KYNU: variants seen among roughly 807,000 people sequenced by gnomAD.
KYNU encodes kynureninase.
Under a neutral mutation model 59.2 loss-of-function variants are expected in KYNU, and 54 were observed. The ratio of observed to expected loss-of-function variants is 0.91; its 90% CI spans 0.73 to 1.14. The LOEUF (loss-of-function observed/expected upper bound fraction) is 1.14. Ranked by LOEUF, KYNU falls within the 50% of genes most tolerant of loss-of-function variation. The probability of loss-of-function intolerance (pLI) is 0.00; values close to 1 mark genes in which losing one functional copy is unlikely to be tolerated. For synonymous variants in KYNU, 177 were observed against 192.0 expected (o/e 0.92, Z 0.65); for missense variants, 567 against 554.4 (o/e 1.02, Z -0.23).
chr2:142,980,671 A>G (rs943445421), intron 8 of KYNU, among the ~76,000 whole-genome samples: 10 of 152,112 alleles, frequency 6.6e-5, no homozygotes, highest in Admixed American at 4.6e-4. Context: ...TGGATTGACT[A>G]TAAAGTAAGG....
chr2:142,972,815 G>C (rs28379752), intron 8 of KYNU, among the ~76,000 whole-genome samples: 5,347 of 116,300 alleles, frequency 0.046, 139 homozygotes, highest in South Asian at 0.081. Context: ...TATATATATA[G>C]AGAGAGAGAG....
chr2:143,010,934 C>T (rs906128794), intron 10 of KYNU, among the ~76,000 whole-genome samples: 2,336 of 145,576 alleles, frequency 0.016, 79 homozygotes, highest in African/African-American at 0.05. Context: ...AAGATTTAAA[C>T]GTTAGACCTA....
At chr2:142,929,190 A>G (rs1209035201) in intron 4 of KYNU, among the ~76,000 whole-genome samples, 1 of 151,716 alleles carries the variant, frequency 6.6e-6, no homozygotes. Context: ...AGGACTGAAC[A>G]CATGCATGTA....
At chr2:142,926,126 G>A (rs192040110) in intron 3 of KYNU, among the ~76,000 whole-genome samples, 80 of 152,196 alleles carry the variant, frequency 5.3e-4, no homozygotes, top group Admixed American at 1.1e-3. Flanking sequence ...ACTGGGGCCT[G>A]TGGGGGGTGA....
intron 8 of KYNU, among the ~76,000 whole-genome samples, chr2:142,974,739 C>T (rs62169912): frequency 1.3e-5 from 2 of 152,098 alleles, no homozygotes; most frequent in Non-Finnish European, 2.9e-5. Flanking sequence ...AAACATAGCT[C>T]AAGAAGGCCT....
At chr2:142,982,117 C>G (rs1685068133) in intron 8 of KYNU, among the ~76,000 whole-genome samples, 1 of 152,078 alleles carries the variant, frequency 6.6e-6, no homozygotes. Context: ...GTATTTACTT[C>G]AAAAACTTTA....
intron 8 of KYNU, among the ~76,000 whole-genome samples, chr2:142,962,465 A>G (rs1684385021): frequency 6.6e-6 from 1 of 152,220 alleles, no homozygotes; most frequent in Non-Finnish European, 1.5e-5. Flanking sequence ...AATTAATATG[A>G]TATTATAAAG....
intron 4 of KYNU, among the ~76,000 whole-genome samples, chr2:142,937,837 G>A (rs1652441807): frequency 6.6e-6 from 1 of 152,176 alleles, no homozygotes; most frequent in African/African-American, 2.4e-5. Context: ...GCTTTAGGCT[G>A]GACTTAAAAT....
At chr2:142,978,042 T>A (rs1684941104) in intron 8 of KYNU, among the ~76,000 whole-genome samples, 1 of 152,160 alleles carries the variant, frequency 6.6e-6, no homozygotes, top group South Asian at 2.1e-4. Flanking sequence ...GCTCCAAGAC[T>A]GTGGCAAAAA....
At chr2:142,972,312 A>G (rs1477565764) in intron 8 of KYNU, among the ~76,000 whole-genome samples, 1 of 152,016 alleles carries the variant, frequency 6.6e-6, no homozygotes, top group Non-Finnish European at 1.5e-5. Context: ...ACTCTTATCC[A>G]TCCAGCTGTC....
chr2:142,974,239 G>A (rs1049237144), intron 8 of KYNU, among the ~76,000 whole-genome samples: 1 of 152,210 alleles, frequency 6.6e-6, no homozygotes, highest in Non-Finnish European at 1.5e-5. Flanking sequence ...TCAGTAAAGG[G>A]AAAAGTGGGC....
Position 143,049,091 on chromosome 2 carries a change from A to G in KYNU, c.*6919A>G, listed in dbSNP as rs1687217541. ...AGTATTATTTATTTATTCAATTATTACCTCTTTCTATTATTTCCTTTTTAA... is the reference window on the plus strand; with the variant it reads ...AGTATTATTTATTTATTCAATTATTGCCTCTTTCTATTATTTCCTTTTTAA... On this transcript the variant is annotated 3_prime_UTR_variant, in exon 14 of 14. Coordinates refer to ENST00000264170, the MANE Select transcript of KYNU (RefSeq NM_003937.3). 6.6e-6 allele frequency: 1 copy of G among 151,970 alleles called. No homozygotes were observed. The highest frequency in any genetic ancestry group is 2.4e-5 in the African/African-American group (1 of 41,360). 9.4% of individuals were successfully genotyped at this position (151,970 alleles called of 1,614,324 possible).
intron 2 of KYNU, among the ~76,000 whole-genome samples, chr2:142,893,523 G>A (rs1681776051): frequency 6.6e-6 from 1 of 152,124 alleles, no homozygotes; most frequent in Non-Finnish European, 1.5e-5. Context: ...GTAAAGTATC[G>A]GAAATGAGAT....
At chr2:142,943,681 T>G (rs1228168437) in intron 4 of KYNU, among the ~76,000 whole-genome samples, 2 of 152,136 alleles carry the variant, frequency 1.3e-5, no homozygotes, top group Non-Finnish European at 2.9e-5. Context: ...ATAAAAATGG[T>G]GTAATGTGAA....
chr2:143,039,469 A>C (rs1686974429), intron 12 of KYNU, among the ~76,000 whole-genome samples: 1 of 152,160 alleles, frequency 6.6e-6, no homozygotes, highest in African/African-American at 2.4e-5. Flanking sequence ...ATTTAAATCC[A>C]TTTATTAAGG....
intron 10 of KYNU, among the ~76,000 whole-genome samples, chr2:142,996,113 C>T (rs1685536021): frequency 6.6e-6 from 1 of 152,056 alleles, no homozygotes; most frequent in Non-Finnish European, 1.5e-5. Flanking sequence ...TGAACCCATG[C>T]AGCCGTGCCC....
At chr2:142,915,485 T>G (rs1682637688) in intron 2 of KYNU, among the ~76,000 whole-genome samples, 1 of 152,178 alleles carries the variant, frequency 6.6e-6, no homozygotes, top group Non-Finnish European at 1.5e-5. Context: ...GGGAGAAGAT[T>G]TAAATCTGAA....
chr2:142,895,702 T>G (rs1023064851), intron 2 of KYNU, among the ~76,000 whole-genome samples: 1 of 152,136 alleles, frequency 6.6e-6, no homozygotes, highest in Admixed American at 6.5e-5. Context: ...TTTTATTTTT[T>G]TAGAAAAGGT....
chr2:143,024,193 T>G (rs1686488553), intron 10 of KYNU, among the ~76,000 whole-genome samples: 2 of 151,970 alleles, frequency 1.3e-5, no homozygotes, highest in Non-Finnish European at 2.9e-5. Flanking sequence ...TTATACTTGT[T>G]TTACCTGATC....
Sources: gnomAD v4.1 joint callset for allele counts (sites outside exome capture counted in the v4.1 genomes callset) on GRCh38, gnomAD v4.1.1 for gene constraint, MANE v1.5 for transcripts, NCBI Gene and HGNC (gene_info 2026-07-23, HGNC 2026-07-21) for gene names.